PPP6R3: variants seen among roughly 807,000 people sequenced by gnomAD.
PPP6R3 encodes serine/threonine-protein phosphatase 6 regulatory subunit 3.
PPP6R3 carries 38 observed loss-of-function variants against 110.7 expected under a neutral mutation model. The ratio of observed to expected loss-of-function variants is 0.34; its 90% CI spans 0.26 to 0.45. The LOEUF (loss-of-function observed/expected upper bound fraction) is 0.45, where lower values mean the gene tolerates loss of function less well. Ranked by LOEUF, PPP6R3 falls within the 20% of genes least tolerant of loss-of-function variation. The pLI, the probability that PPP6R3 is intolerant of heterozygous loss-of-function variation, is 1.00. For missense variants in PPP6R3, 870 were observed against 1,062.4 expected (o/e 0.82, Z 2.52); for synonymous variants, 369 against 373.5 (o/e 0.99, Z 0.14).
intron 1 of PPP6R3, among the ~76,000 whole-genome samples, chr11:68,494,264 G>A (rs967979921): frequency 2.6e-5 from 4 of 151,500 alleles, no homozygotes; most frequent in African/African-American, 4.8e-5. Context: ...GGTGGCTCAC[G>A]CCTGTAATCC....
intron 1 of PPP6R3, among the ~76,000 whole-genome samples, chr11:68,484,466 A>C (rs948518225): frequency 2.0e-5 from 3 of 152,044 alleles, no homozygotes; most frequent in Non-Finnish European, 4.4e-5. Context: ...ATGATGTTGA[A>C]CATGTTTTCA....
At chr11:68,534,249 A>G (rs906485497) in intron 2 of PPP6R3, among the ~76,000 whole-genome samples, 1 of 152,158 alleles carries the variant, frequency 6.6e-6, no homozygotes, top group African/African-American at 2.4e-5. Flanking sequence ...AGTGGGTGTT[A>G]ATGGGACTTT....
intron 3 of PPP6R3, among the ~76,000 whole-genome samples, chr11:68,542,411 T>A (rs1316744748): frequency 3.5e-5 from 5 of 141,966 alleles, no homozygotes; most frequent in African/African-American, 8.0e-5. Context: ...TTTTTTTTTT[T>A]AAGACAGAGT....
rs899312081 is a variant in PPP6R3, at chr11:68,614,611, G to C, written c.*1494G>C. 1 of 1,514,984 alleles carries C rather than the reference G, an allele frequency of 6.6e-7. No individual in the cohort carries two copies. Among genetic ancestry groups the C allele is most frequent in the Non-Finnish European group, 8.8e-7 (1 of 1,138,720 alleles). 93.8% of individuals were successfully genotyped at this position (1,514,984 alleles called of 1,614,324 possible). ...AAACGTCTAATGCCTTATTATTTCT[G>C]ATTTCCTTTTTCATTTTAAGTGGTG... On this transcript the variant is annotated 3_prime_UTR_variant, in exon 24 of 24. Coordinates refer to ENST00000393800, the MANE Select transcript of PPP6R3 (RefSeq NM_001164161.2).
intron 15 of PPP6R3, among the ~76,000 whole-genome samples, chr11:68,584,399 A>G (rs970032078): frequency 3.3e-5 from 5 of 152,212 alleles, no homozygotes; most frequent in Admixed American, 2.0e-4. Context: ...GTACTGAAAT[A>G]GTCCACCCAG....
chr11:68,522,134 A>G (rs927036253), intron 2 of PPP6R3, among the ~76,000 whole-genome samples: 3 of 152,354 alleles, frequency 2.0e-5, no homozygotes, highest in Non-Finnish European at 4.4e-5. Context: ...ATGTCATTAC[A>G]TAGTAAATTA....
At chr11:68,601,151 A>G (rs916181034) in intron 20 of PPP6R3, among the ~76,000 whole-genome samples, 1 of 152,216 alleles carries the variant, frequency 6.6e-6, no homozygotes, top group Non-Finnish European at 1.5e-5. Flanking sequence ...AATGTCTCCA[A>G]AATAATGAGT....
At chr11:68,603,929 A>C (rs536668724) in intron 22 of PPP6R3, among the ~76,000 whole-genome samples, 33 of 152,260 alleles carry the variant, frequency 2.2e-4, no homozygotes, top group Non-Finnish European at 4.0e-4. Flanking sequence ...TGATAGCTTT[A>C]AAAGAACGTG....
chr11:68,592,516 C>T (rs2099598695), intron 18 of PPP6R3, among the ~76,000 whole-genome samples: 1 of 152,152 alleles, frequency 6.6e-6, no homozygotes, highest in African/African-American at 2.4e-5. Context: ...TATGTTGCCT[C>T]TTGTGGGAAT....
rs2099476933 is a variant in PPP6R3 at position 68,567,097 on chromosome 11, C to A, written c.1059C>A (p.Ser353Arg). 6.4e-7 allele frequency: 1 copy of A among 1,551,334 alleles called. No individual in the cohort carries two copies. Among genetic ancestry groups the A allele is most frequent in the African/African-American group, 1.4e-5 (1 of 73,016 alleles). ...TGAATGTCATTAGGTTGATATCCAGCCTGCTTCAAACCAATACCAGCAGTA... is the reference window on the plus strand; with the variant it reads ...TGAATGTCATTAGGTTGATATCCAGACTGCTTCAAACCAATACCAGCAGTA... The part of the protein sequence containing the change: ...TRLNVIRLIS[S>R]LLQTNTSSIN... The change falls in exon 10 of 24, where the codon AGC (serine) becomes AGA (arginine). Residue 353 changes from serine (S) to arginine (R), a missense_variant. Physicochemically the swap from Ser to Arg is moderately radical, Grantham distance 110. Transcript: ENST00000393800.
intron 23 of PPP6R3, among the ~76,000 whole-genome samples, chr11:68,610,280 T>C (rs1010229758): frequency 2.6e-4 from 40 of 152,214 alleles, no homozygotes; most frequent in Non-Finnish European, 1.2e-4. Flanking sequence ...CTCGCTCTTT[T>C]AGAAGTGGCT....
At position 68,614,309 on chromosome 11, in the gene PPP6R3, TACATC is replaced by T. The variant is rs1306782593; in HGVS notation, c.*1196_*1200del. 25 of 1,058,658 alleles carry T rather than the reference TACATC, an allele frequency of 2.4e-5. No homozygotes were observed. The highest frequency in any genetic ancestry group is 1.8e-4 in the East Asian group (2 of 10,928). 65.6% of individuals were successfully genotyped at this position (1,058,658 alleles called of 1,614,324 possible). On this transcript the variant is annotated 3_prime_UTR_variant, in exon 24 of 24. Transcript: ENST00000393800. ...ATAATTTTCTATGTCAATACAAAAA[TACATC>T]ACAGCCTTCTCAAACAGCTCAAGCA...
intron 14 of PPP6R3, among the ~76,000 whole-genome samples, chr11:68,577,415 A>G (rs1280735995): frequency 2.6e-5 from 4 of 152,138 alleles, no homozygotes; most frequent in East Asian, 3.8e-4. Flanking sequence ...TAAGGGGACT[A>G]TTGTCTTGTC....
At chr11:68,479,014 A>AC (rs1447237335) in intron 1 of PPP6R3, among the ~76,000 whole-genome samples, 1 of 152,192 alleles carries the variant, frequency 6.6e-6, no homozygotes, top group African/African-American at 2.4e-5. Context: ...TATACATTGA[A>AC]CCATCAGAAA....
At chr11:68,547,959 A>G in intron 4 of PPP6R3, 108 bp from the exon 5 acceptor site, 6 of 1,155,892 alleles carry the variant, frequency 5.2e-6, no homozygotes, top group Non-Finnish European at 7.1e-6. Context: ...GCCATTTCTC[A>G]ACCTAAAGTA....
chr11:68,564,765 TTA>T (rs1241766100), intron 9 of PPP6R3, among the ~76,000 whole-genome samples: 2 of 152,244 alleles, frequency 1.3e-5, no homozygotes, highest in African/African-American at 2.4e-5. Context: ...ATCTTTGAAA[TTA>T]TGTTTTCTTA....
intron 19 of PPP6R3, among the ~76,000 whole-genome samples, chr11:68,599,406 A>G (rs896564610): frequency 7.9e-5 from 12 of 152,250 alleles, no homozygotes; most frequent in African/African-American, 2.7e-4. Context: ...AGCAGGCAGC[A>G]TAGTAAGAAG....
chr11:68,596,792 A>G (rs2099615010), intron 19 of PPP6R3, among the ~76,000 whole-genome samples: 1 of 152,218 alleles, frequency 6.6e-6, no homozygotes, highest in African/African-American at 2.4e-5. Context: ...ACAAACGTTC[A>G]TGTGAAGGAG....
In PPP6R3 at chr11:68,483,030, T is replaced by C. The variant is rs1363448189; in HGVS notation, c.-158+22203T>C. Reference sequence around the variant, plus strand: ...ATTTTGTTGTTATTATCACAAACAATTCAGCTGGCTTTTAGTTCAATGTAA... The same window carrying C: ...ATTTTGTTGTTATTATCACAAACAACTCAGCTGGCTTTTAGTTCAATGTAA... On this transcript the variant is annotated intron_variant, in intron 1 of 23. Transcript: ENST00000393800. 2.0e-5 allele frequency among the ~76,000 whole-genome samples: 3 copies of C among 152,208 alleles called. No homozygotes were observed. The South Asian group carries it at 6.2e-4, about 31-fold the overall frequency.
Sources: gnomAD v4.1 joint callset for allele counts (sites outside exome capture counted in the v4.1 genomes callset) on GRCh38, gnomAD v4.1.1 for gene constraint, MANE v1.5 for transcripts, NCBI Gene and HGNC (gene_info 2026-07-23, HGNC 2026-07-21) for gene names.